GSG1L: variants seen among roughly 807,000 people sequenced by gnomAD.
GSG1L encodes the protein germ cell-specific gene 1-like protein.
Under a neutral mutation model 42.1 loss-of-function variants are expected in GSG1L, and 24 were observed. The observed-to-expected ratio is 0.57, with a 90% confidence interval of 0.41 to 0.80. The LOEUF (loss-of-function observed/expected upper bound fraction) is 0.80, where lower values mean the gene tolerates loss of function less well. GSG1L is among the 30% of genes least tolerant of loss of function. The pLI is 0.00. For missense variants in GSG1L, 445 were observed against 472.2 expected (o/e 0.94, Z 0.53); for synonymous variants, 215 against 203.5 (o/e 1.06, Z -0.48).
intron 2 of GSG1L, among the ~76,000 whole-genome samples, chr16:27,906,316 T>C (rs1243447520): frequency 1.3e-5 from 2 of 152,148 alleles, no homozygotes; most frequent in South Asian, 2.1e-4. Context: ...TAGTAGAAGA[T>C]AGCGACGGGA....
chr16:27,797,521 C>T lies in GSG1L; in HGVS notation c.899-6054G>A, dbSNP rs2082831289. Among the ~76,000 whole-genome samples the T allele has an allele frequency of 4.8e-5, 5 of 103,226 alleles. No homozygotes were observed. The South Asian group carries it at 1.6e-3, about 34-fold the overall frequency. 67.7% of individuals were successfully genotyped at this position (103,226 alleles called of 152,430 possible). A position where few individuals can be genotyped will look rare whatever the true frequency, so the allele number is the denominator to read the frequency against. ...CTGAGCAGCAAGAGCAAAACTCCATCTCAAAAAAAAAAAAAAAAGGGCCGG... is the reference window on the plus strand; with the variant it reads ...CTGAGCAGCAAGAGCAAAACTCCATTTCAAAAAAAAAAAAAAAAGGGCCGG... On this transcript the variant is annotated intron_variant, in intron 6 of 6. Coordinates refer to ENST00000447459, the MANE Select transcript of GSG1L (RefSeq NM_001109763.2).
chr16:28,005,228 C>T (rs979967340), intron 1 of GSG1L, among the ~76,000 whole-genome samples: 2 of 152,218 alleles, frequency 1.3e-5, no homozygotes, highest in African/African-American at 4.8e-5. Context: ...ATTCTCCTGC[C>T]TCAGCCTCCC....
chr16:27,940,244 C>A (rs1350012288), intron 2 of GSG1L, among the ~76,000 whole-genome samples: 1 of 151,892 alleles, frequency 6.6e-6, no homozygotes, highest in Non-Finnish European at 1.5e-5. Context: ...AACACTTTTA[C>A]ACTGTTGGTG....
chr16:27,818,636 T>C (rs1371723373), intron 5 of GSG1L, among the ~76,000 whole-genome samples: 1 of 151,960 alleles, frequency 6.6e-6, no homozygotes, highest in African/African-American at 2.4e-5. Flanking sequence ...AAAGAACACA[T>C]TGATTTTTAA....
At chr16:27,821,360 T>A (rs1213564674) in intron 5 of GSG1L, among the ~76,000 whole-genome samples, 2 of 152,120 alleles carry the variant, frequency 1.3e-5, no homozygotes, top group Admixed American at 6.5e-5. Flanking sequence ...ATGCTGAGGT[T>A]GGGCTTCAGT....
chr16:27,822,343 G>A (rs368690697), intron 5 of GSG1L, among the ~76,000 whole-genome samples: 7 of 152,150 alleles, frequency 4.6e-5, no homozygotes, highest in East Asian at 3.8e-4. Flanking sequence ...TCAGCCAGGC[G>A]CTCAAACAGT....
At chr16:28,028,914 C>T (rs571481385) in intron 1 of GSG1L, among the ~76,000 whole-genome samples, 198 of 152,312 alleles carry the variant, frequency 1.3e-3, no homozygotes, top group Non-Finnish European at 1.9e-3. Context: ...AGCTCTCAGA[C>T]GCTGCAGCAG....
chr16:27,897,638 C>A (rs1453390871), intron 2 of GSG1L, among the ~76,000 whole-genome samples: 1 of 152,178 alleles, frequency 6.6e-6, no homozygotes, highest in Non-Finnish European at 1.5e-5. Context: ...CCTCCCCGAA[C>A]CACCCTAGCC....
chr16:28,056,728 T>C (rs1240290642), intron 1 of GSG1L, among the ~76,000 whole-genome samples: 2 of 152,046 alleles, frequency 1.3e-5, no homozygotes, highest in Non-Finnish European at 2.9e-5. Context: ...TGTCAGCTCA[T>C]CTAGGCTCTG....
Position 27,951,093 on chromosome 16 carries a change from C to T in GSG1L, c.397+12063G>A, listed in dbSNP as rs558736329. On this transcript the variant is annotated intron_variant, in intron 2 of 6. Transcript: ENST00000447459. ...AGGGATACTGACGACTGGCCCAAGGCAAGATGGACGAAGGTTACTGCAGCC... is the reference window on the plus strand; with the variant it reads ...AGGGATACTGACGACTGGCCCAAGGTAAGATGGACGAAGGTTACTGCAGCC... Among the ~76,000 whole-genome samples, 20 of 152,284 alleles carry T rather than the reference C, an allele frequency of 1.3e-4. No individual in the cohort carries two copies. The East Asian group carries it at 3.3e-3, about 25-fold the overall frequency.
chr16:27,992,233 A>AC (rs2085465108), intron 1 of GSG1L, among the ~76,000 whole-genome samples: 2 of 152,204 alleles, frequency 1.3e-5, no homozygotes, highest in African/African-American at 4.8e-5. Flanking sequence ...CCAGTGGCTC[A>AC]CGCCTGTAAT....
intron 1 of GSG1L, among the ~76,000 whole-genome samples, chr16:28,027,498 C>T (rs951280580): frequency 2.0e-5 from 3 of 152,136 alleles, no homozygotes; most frequent in African/African-American, 7.2e-5. Flanking sequence ...TAGAAATGTT[C>T]TGCACCATCC....
At chr16:27,874,625 C>A (rs533162102) in intron 3 of GSG1L, among the ~76,000 whole-genome samples, 1 of 151,958 alleles carries the variant, frequency 6.6e-6, no homozygotes, top group Non-Finnish European at 1.5e-5. Context: ...AACAGGCAAG[C>A]TTCCTGGATG....
chr16:27,886,571 T>C (rs75850286), intron 2 of GSG1L, among the ~76,000 whole-genome samples: 10,341 of 152,320 alleles, frequency 0.068, 667 homozygotes, highest in East Asian at 0.16. Context: ...ATTTGTACTA[T>C]TACAATTTTT....
intron 2 of GSG1L, among the ~76,000 whole-genome samples, chr16:27,922,361 G>C (rs769639909): frequency 6.6e-5 from 10 of 152,120 alleles, no homozygotes; most frequent in Admixed American, 5.2e-4. Context: ...CCCCAGCATG[G>C]ATGACCATAT....
In GSG1L at chr16:27,989,731, C is replaced by T. The variant is rs1269874478; in HGVS notation, c.350-26528G>A. On this transcript the variant is annotated intron_variant, in intron 1 of 6. Transcript: ENST00000447459. Reference sequence around the variant, plus strand: ...CTCCAGCCTGGGCAACAGAGTGAGACTCAGTCTAAAAAAAAAAAACAACAA... The same window carrying T: ...CTCCAGCCTGGGCAACAGAGTGAGATTCAGTCTAAAAAAAAAAAACAACAA... 3.0e-5 allele frequency among the ~76,000 whole-genome samples: 4 copies of T among 134,916 alleles called. No homozygotes were observed. The East Asian group carries it at 1.0e-3, about 34-fold the overall frequency. The allele number at this position is 134,916 out of a possible 152,430, so 88.5% of individuals were successfully genotyped here. A position where few individuals can be genotyped will look rare whatever the true frequency, so the allele number is the denominator to read the frequency against.
intron 3 of GSG1L, among the ~76,000 whole-genome samples, chr16:27,850,202 A>G (rs1226816723): frequency 6.6e-6 from 1 of 151,056 alleles, no homozygotes; most frequent in Non-Finnish European, 1.5e-5. Flanking sequence ...TAATTTTTGT[A>G]TTTTTAGTAG....
At chr16:27,822,368 G>A (rs2083160048) in intron 5 of GSG1L, among the ~76,000 whole-genome samples, 1 of 152,186 alleles carries the variant, frequency 6.6e-6, no homozygotes, top group African/African-American at 2.4e-5. Context: ...GCAACAGGAG[G>A]CACTGCATAA....
At chr16:28,058,308 G>GT (rs1285351450) in intron 1 of GSG1L, among the ~76,000 whole-genome samples, 1 of 152,178 alleles carries the variant, frequency 6.6e-6, no homozygotes, top group African/African-American at 2.4e-5. Context: ...CACCCACCTC[G>GT]TAGGGCTATT....
Sources: gnomAD v4.1 joint callset for allele counts (sites outside exome capture counted in the v4.1 genomes callset) on GRCh38, gnomAD v4.1.1 for gene constraint, MANE v1.5 for transcripts, NCBI Gene and HGNC (gene_info 2026-07-23, HGNC 2026-07-21) for gene names.